Variants in CLMP observed in about 807,000 individuals in gnomAD.
CLMP encodes the protein CXADR like cell adhesion molecule, also known as CXADR-like membrane protein.
Under a neutral mutation model 45.2 loss-of-function variants are expected in CLMP, and 27 were observed. That is an observed-to-expected ratio of 0.60 (90% CI 0.44 to 0.82). The LOEUF (loss-of-function observed/expected upper bound fraction) is 0.82, where lower values mean the gene tolerates loss of function less well. CLMP is among the 40% of genes least tolerant of loss of function. The probability of loss-of-function intolerance (pLI) is 0.00; values close to 1 mark genes in which losing one functional copy is unlikely to be tolerated. For missense variants in CLMP, 403 were observed against 448.4 expected (o/e 0.90, Z 0.91); for synonymous variants, 167 against 171.4 (o/e 0.97, Z 0.20).
chr11:123,126,353 C>A (rs1204910135), intron 1 of CLMP, among the ~76,000 whole-genome samples: 1 of 152,150 alleles, frequency 6.6e-6, no homozygotes, highest in African/African-American at 2.4e-5. Flanking sequence ...CATGCAAATT[C>A]TCTGGGAAGT....
At position 123,094,491 on chromosome 11, in the gene CLMP, T is replaced by C. The variant is rs1385274054; in HGVS notation, c.186+3304A>G. On this transcript the variant is annotated intron_variant, in intron 2 of 6. Transcript: ENST00000448775. ...CACTATGTTTGTGTGTTTACACACA[T>C]GTGGGCATACCTCAGCTCCTTATTT... is the stretch of plus-strand genomic sequence containing the variant. Among the ~76,000 whole-genome samples, 6 of 152,168 alleles carry C rather than the reference T, an allele frequency of 3.9e-5. No individual in the cohort carries two copies. In the East Asian group the frequency reaches 1.2e-3, roughly 30 times the overall value.
chr11:123,137,749 G>T lies in CLMP; in HGVS notation c.29-39797C>A, dbSNP rs1306709668. ...CAGCTCCTCGCAAACAAAGAAGTCA[G>T]TTGGGCGCCCCGAAGCTGCTGGCCT... On this transcript the variant is annotated intron_variant, in intron 1 of 6. Transcript: ENST00000448775. Among the ~76,000 whole-genome samples the T allele has an allele frequency of 2.0e-5, 3 of 152,302 alleles. No individual in the cohort carries two copies. In the East Asian group the frequency reaches 5.8e-4, roughly 30 times the overall value.
At chr11:123,125,811 G>A (rs1860886256) in intron 1 of CLMP, among the ~76,000 whole-genome samples, 1 of 151,532 alleles carries the variant, frequency 6.6e-6, no homozygotes, top group African/African-American at 2.4e-5. Context: ...TCACCGTGTT[G>A]GCCAGGCTGG....
At chr11:123,159,896 C>T (rs1861461717) in intron 1 of CLMP, among the ~76,000 whole-genome samples, 1 of 152,174 alleles carries the variant, frequency 6.6e-6, no homozygotes, top group Non-Finnish European at 1.5e-5. Flanking sequence ...TTAAGACCTC[C>T]TGCCTGATGA....
intron 1 of CLMP, among the ~76,000 whole-genome samples, chr11:123,150,252 G>C (rs1289896339): frequency 6.6e-6 from 1 of 150,912 alleles, no homozygotes; most frequent in East Asian, 1.9e-4. Context: ...ATAGAGGGCT[G>C]TGACAGGTGA....
At chr11:123,119,044 T>C (rs1430255234) in intron 1 of CLMP, among the ~76,000 whole-genome samples, 8 of 32,404 alleles carry the variant, frequency 2.5e-4, no homozygotes, top group East Asian at 1.2e-3. Context: ...TCTCTCTCTC[T>C]CCCTCTCCCT....
intron 1 of CLMP, among the ~76,000 whole-genome samples, chr11:123,150,058 G>A (rs966475613): frequency 2.6e-5 from 4 of 151,912 alleles, no homozygotes; most frequent in African/African-American, 9.7e-5. Flanking sequence ...TCCCATCTCA[G>A]CCTCCCAAAG....
At chr11:123,138,153 T>C (rs1861104599) in intron 1 of CLMP, among the ~76,000 whole-genome samples, 1 of 152,112 alleles carries the variant, frequency 6.6e-6, no homozygotes. Flanking sequence ...AGTTGATTTG[T>C]GAGGGGTGAG....
intron 1 of CLMP, among the ~76,000 whole-genome samples, chr11:123,123,664 G>A (rs1033304853): frequency 1.3e-5 from 2 of 152,146 alleles, no homozygotes; most frequent in Non-Finnish European, 1.5e-5. Context: ...CAGGGAACCC[G>A]CAATGAGACC....
chr11:123,172,634 AC>A (rs1861651589), intron 1 of CLMP, among the ~76,000 whole-genome samples: 1 of 152,036 alleles, frequency 6.6e-6, no homozygotes, highest in Admixed American at 6.6e-5. Context: ...GTCGTGAGCC[AC>A]TATACTTGGC....
At chr11:123,190,001 CAAAAAAAAAAAAAAA>C (rs10594946) in intron 1 of CLMP, among the ~76,000 whole-genome samples, 1 of 129,514 alleles carries the variant, frequency 7.7e-6, no homozygotes, top group Non-Finnish European at 1.6e-5. Flanking sequence ...GACTCTGTCT[CAAAAAAAAAAAAAAA>C]AAAAAAACAA....
chr11:123,167,956 A>AAGACAGACAGAC (rs112277747), intron 1 of CLMP, among the ~76,000 whole-genome samples: 6,667 of 151,706 alleles, frequency 0.044, 468 homozygotes, highest in African/African-American at 0.15. Flanking sequence ...CCAGGAAGGA[A>AAGACAGACAGAC]AGACAGACAG....
intron 1 of CLMP, among the ~76,000 whole-genome samples, chr11:123,123,277 T>A (rs1860844250): frequency 6.7e-6 from 1 of 149,202 alleles, no homozygotes; most frequent in African/African-American, 2.5e-5. Context: ...TTTTTTTTTT[T>A]AAGACAGAGT....
At chr11:123,110,354 T>C (rs1028473449) in intron 1 of CLMP, among the ~76,000 whole-genome samples, 9 of 151,028 alleles carry the variant, frequency 6.0e-5, no homozygotes, top group African/African-American at 1.7e-4. Context: ...CTTGGGAGGC[T>C]GAGATGGGAG....
chr11:123,088,712 G>T (rs1340933139), intron 2 of CLMP, among the ~76,000 whole-genome samples: 1 of 152,186 alleles, frequency 6.6e-6, no homozygotes, highest in South Asian at 2.1e-4. Flanking sequence ...TGCAACCTCC[G>T]CCTCCTGGGT....
intron 1 of CLMP, among the ~76,000 whole-genome samples, chr11:123,150,958 C>T (rs555513357): frequency 6.6e-6 from 1 of 152,330 alleles, no homozygotes; most frequent in Non-Finnish European, 1.5e-5. Context: ...CCACCTTGGC[C>T]TCCCAAAGTG....
At chr11:123,094,184 T>G (rs991166297) in intron 2 of CLMP, among the ~76,000 whole-genome samples, 15 of 152,126 alleles carry the variant, frequency 9.9e-5, no homozygotes, top group African/African-American at 3.6e-4. Context: ...CTCTGCTCAC[T>G]GCAGCCTCGA....
intron 1 of CLMP, among the ~76,000 whole-genome samples, chr11:123,159,108 C>T (rs1431725073): frequency 1.3e-5 from 2 of 152,166 alleles, no homozygotes; most frequent in Middle Eastern, 3.4e-3. Flanking sequence ...GCCAAAGATC[C>T]GTCAAAGCAT....
At chr11:123,099,929 A>G (rs1260049799) in intron 1 of CLMP, among the ~76,000 whole-genome samples, 1 of 152,188 alleles carries the variant, frequency 6.6e-6, no homozygotes, top group East Asian at 1.9e-4. Flanking sequence ...TGAAAATGCT[A>G]TTAGATTTTT....
Sources: gnomAD v4.1 joint callset for allele counts (sites outside exome capture counted in the v4.1 genomes callset) on GRCh38, gnomAD v4.1.1 for gene constraint, MANE v1.5 for transcripts, NCBI Gene and HGNC (gene_info 2026-07-23, HGNC 2026-07-21) for gene names.